SLIT2: variants seen among roughly 807,000 people sequenced by gnomAD.
SLIT2 encodes the protein slit guidance ligand 2.
A neutral mutation model predicts 185.7 loss-of-function variants in SLIT2; 41 were observed. The observed-to-expected ratio is 0.22, with a 90% confidence interval of 0.17 to 0.29. The LOEUF is 0.29. Ranked by LOEUF, SLIT2 falls within the 10% of genes least tolerant of loss-of-function variation. The pLI, the probability that SLIT2 is intolerant of heterozygous loss-of-function variation, is 1.00. For synonymous variants in SLIT2, 693 were observed against 680.2 expected (o/e 1.02, Z -0.29); for missense variants, 1,571 against 1,909.0 (o/e 0.82, Z 3.30).
intron 4 of SLIT2, among the ~76,000 whole-genome samples, chr4:20,356,906 T>C (rs1722372123): frequency 6.6e-6 from 1 of 152,188 alleles, no homozygotes; most frequent in Admixed American, 6.5e-5. Flanking sequence ...AAACTAATGA[T>C]CTTGTAAATG....
chr4:20,568,912 T>C lies in SLIT2; in HGVS notation c.2996T>C (p.Val999Ala). 6.2e-7 allele frequency: 1 copy of C among 1,612,292 alleles called. No homozygotes were observed. The highest frequency in any genetic ancestry group is 8.5e-7 in the Non-Finnish European group (1 of 1,178,578). ...GFEGENCEVN[V>A]DDCEDNDCEN... Reference sequence around the variant, plus strand: ...GAAGGAGAAAATTGTGAAGTCAACGTTGATGATTGTGAAGATAATGACTGT... The same window carrying C: ...GAAGGAGAAAATTGTGAAGTCAACGCTGATGATTGTGAAGATAATGACTGT... The change falls in exon 29 of 37, where the codon GTT (valine) becomes GCT (alanine). Residue 999 changes from valine (V) to alanine (A), a missense_variant. Val to Ala is a moderately conservative substitution (Grantham distance 64). Transcript: ENST00000504154.
At chr4:20,596,103 T>G (rs1352229094) in intron 31 of SLIT2, among the ~76,000 whole-genome samples, 1 of 152,058 alleles carries the variant, frequency 6.6e-6, no homozygotes, top group Non-Finnish European at 1.5e-5. Flanking sequence ...ATAAAAAAAT[T>G]TTAAGACAAA....
chr4:20,460,590 T>C (rs1713594226), intron 4 of SLIT2, among the ~76,000 whole-genome samples: 1 of 152,164 alleles, frequency 6.6e-6, no homozygotes, highest in Non-Finnish European at 1.5e-5. Flanking sequence ...CCTGTGTAAT[T>C]GTAAATAGCT....
At chr4:20,292,395 A>T (rs1716042028) in intron 4 of SLIT2, among the ~76,000 whole-genome samples, 1 of 152,074 alleles carries the variant, frequency 6.6e-6, no homozygotes. Context: ...TAATTCATAG[A>T]TTTGTTACAG....
Position 20,509,969 on chromosome 4 carries a change from T to C in SLIT2, c.915-526T>C, listed in dbSNP as rs117112827. ...CTGTAGCATATATGGATTTATAATT[T>C]AACATTTTGCCTCATAAGAAGCTTC... On this transcript the variant is annotated intron_variant, in intron 9 of 36. Transcript: ENST00000504154. 5.9e-5 allele frequency among the ~76,000 whole-genome samples: 9 copies of C among 152,328 alleles called. No homozygotes were observed. The East Asian group carries it at 1.7e-3, about 29-fold the overall frequency.
At chr4:20,504,800 C>T (rs1203634348) in intron 9 of SLIT2, among the ~76,000 whole-genome samples, 14 of 151,980 alleles carry the variant, frequency 9.2e-5, no homozygotes, top group African/African-American at 2.7e-4. Context: ...ACATGGTTTC[C>T]GTTACCCATG....
intron 9 of SLIT2, among the ~76,000 whole-genome samples, chr4:20,499,102 GT>G (rs1165021138): frequency 3.9e-5 from 6 of 152,168 alleles, no homozygotes; most frequent in African/African-American, 7.2e-5. Context: ...CAGAATGGCT[GT>G]TATTAACAAT....
intron 4 of SLIT2, among the ~76,000 whole-genome samples, chr4:20,280,991 C>T: frequency 6.6e-6 from 1 of 152,052 alleles, no homozygotes; most frequent in Admixed American, 6.6e-5. Flanking sequence ...CGCCACCACG[C>T]CCGGCTGATT....
rs1181099588 is a variant in SLIT2 at position 20,301,331 on chromosome 4, A to G, written c.395+32450A>G. Among the ~76,000 whole-genome samples the G allele has an allele frequency of 2.0e-5, 3 of 152,082 alleles. No individual in the cohort carries two copies. In the East Asian group the frequency reaches 5.8e-4, roughly 29 times the overall value. On this transcript the variant is annotated intron_variant, in intron 4 of 36. Coordinates refer to ENST00000504154, the MANE Select transcript of SLIT2 (RefSeq NM_004787.4). ...GGCTATTTGAAACTTTCTGTATGAGAATGTCTCTTTTTTGCAATGCTGCAG... is the reference window on the plus strand; with the variant it reads ...GGCTATTTGAAACTTTCTGTATGAGGATGTCTCTTTTTTGCAATGCTGCAG...
At chr4:20,585,291 C>A (rs1226212176) in intron 29 of SLIT2, among the ~76,000 whole-genome samples, 1 of 152,160 alleles carries the variant, frequency 6.6e-6, no homozygotes, top group East Asian at 1.9e-4. Context: ...ACATACACAA[C>A]CAACATATAT....
At chr4:20,579,308 A>C (rs1387690974) in intron 29 of SLIT2, among the ~76,000 whole-genome samples, 1 of 152,008 alleles carries the variant, frequency 6.6e-6, no homozygotes, top group Non-Finnish European at 1.5e-5. Flanking sequence ...AGGGAAAAAA[A>C]AAAAAAATAG....
chr4:20,581,773 G>A lies in SLIT2; in HGVS notation c.3089-7871G>A, dbSNP rs138555519. Among the ~76,000 whole-genome samples, 777 of 151,730 alleles carry A rather than the reference G, an allele frequency of 5.1e-3. 7 individuals carry two copies. The highest frequency in any genetic ancestry group is 0.017 in the African/African-American group (717 of 41,386). Reference sequence around the variant, plus strand: ...TCTCTTTCTTTCTTTCCAGAATTTCGCTCTTCATTGCCCAGGCTAGAGTAG... The same window carrying A: ...TCTCTTTCTTTCTTTCCAGAATTTCACTCTTCATTGCCCAGGCTAGAGTAG... On this transcript the variant is annotated intron_variant, in intron 29 of 36. Coordinates refer to ENST00000504154, the MANE Select transcript of SLIT2 (RefSeq NM_004787.4).
At chr4:20,410,065 A>T (rs1039159550) in intron 4 of SLIT2, among the ~76,000 whole-genome samples, 2 of 152,028 alleles carry the variant, frequency 1.3e-5, no homozygotes, top group Non-Finnish European at 2.9e-5. Flanking sequence ...GAAGCTCTTT[A>T]GTTGAATTAG....
At chr4:20,339,667 G>T (rs762217201) in intron 4 of SLIT2, among the ~76,000 whole-genome samples, 1 of 152,154 alleles carries the variant, frequency 6.6e-6, no homozygotes, top group African/African-American at 2.4e-5. Flanking sequence ...CTGAAGCATA[G>T]ATTGTTTTGA....
At chr4:20,546,156 G>T (rs1723232897) in intron 22 of SLIT2, 57 bp downstream of exon 22, 2 of 914,818 alleles carry the variant, frequency 2.2e-6, no homozygotes, top group South Asian at 1.6e-5. Flanking sequence ...AATGGGGATG[G>T]CAAGGGACAG....
intron 29 of SLIT2, among the ~76,000 whole-genome samples, chr4:20,570,731 G>GTGTATATATATATATATA (rs1725511595): frequency 1.6e-5 from 2 of 125,568 alleles, no homozygotes; most frequent in African/African-American, 6.0e-5. Context: ...ATATATATAT[G>GTGTATATATATATATATA]TATATATATA....
At chr4:20,461,217 G>A (rs142567528) in intron 4 of SLIT2, among the ~76,000 whole-genome samples, 18 of 152,272 alleles carry the variant, frequency 1.2e-4, no homozygotes, top group African/African-American at 4.3e-4. Context: ...TGCAAAAGCT[G>A]AACGATATGG....
At chr4:20,349,299 A>G (rs1168986565) in intron 4 of SLIT2, among the ~76,000 whole-genome samples, 1 of 152,168 alleles carries the variant, frequency 6.6e-6, no homozygotes, top group Admixed American at 6.5e-5. Context: ...AAGGACTTGA[A>G]GAAAATTAAT....
intron 4 of SLIT2, among the ~76,000 whole-genome samples, chr4:20,293,574 A>C (rs1716179630): frequency 6.6e-6 from 1 of 152,224 alleles, no homozygotes; most frequent in Non-Finnish European, 1.5e-5. Context: ...TGAACTTAAG[A>C]AAGGAAGAGC....
Sources: allele counts gnomAD v4.1 joint callset (sites outside exome capture counted in the v4.1 genomes callset), GRCh38; gene constraint gnomAD v4.1.1; transcripts MANE v1.5; gene names NCBI Gene and HGNC (gene_info 2026-07-23, HGNC 2026-07-21).